Variants in VAV2 observed in about 807,000 individuals in gnomAD.
VAV2 encodes the protein guanine nucleotide exchange factor VAV2.
Under a neutral mutation model 132.5 loss-of-function variants are expected in VAV2, and 67 were observed. The ratio of observed to expected loss-of-function variants is 0.51; its 90% CI spans 0.42 to 0.62. The LOEUF is 0.62. Among genes scored for constraint, VAV2 ranks in the 20% least tolerant of loss-of-function variants. VAV2 has a pLI of 0.00. For synonymous variants in VAV2, 492 were observed against 443.5 expected (o/e 1.11, Z -1.37); for missense variants, 938 against 1,153.6 (o/e 0.81, Z 2.71).
In VAV2 at chr9:133,777,443, C is replaced by T; in HGVS notation, c.1911G>A (p.Arg637=). 6.2e-7 allele frequency: 1 copy of T among 1,613,726 alleles called. No homozygotes were observed. The change falls in exon 23 of 30, where the codon AGG becomes AGA. Residue 637 remains arginine, a synonymous_variant. Transcript: ENST00000371850. ...ATGAGCTGGGGAAATACCCTGACTTCCTGGTTTGTACCAGACGACCCTGGC... is the reference window on the plus strand; with the variant it reads ...ATGAGCTGGGGAAATACCCTGACTTTCTGGTTTGTACCAGACGACCCTGGC... ...PWWEGRLVQT[R]KSGYFPSSSV...
At position 133,785,799 on chromosome 9, in the gene VAV2, C is replaced by T. The variant is rs1834193909; in HGVS notation, c.1509G>A (p.Trp503Ter). 1 of 1,614,028 alleles carries T rather than the reference C, an allele frequency of 6.2e-7. No homozygotes were observed. Among genetic ancestry groups the T allele is most frequent in the Non-Finnish European group, 8.5e-7 (1 of 1,179,994 alleles). Reference protein sequence around the residue: ...FCKTEDMKRKWMEQFEMAMSN... With the variant: ...FCKTEDMKRK ...ACATGGCCATCTCAAACTGCTCCAT[C>T]CACTTCCTCTTCATATCTTCTGTTT... The change falls in exon 17 of 30, where the codon TGG (tryptophan) becomes TGA (stop). Residue 503 changes from tryptophan to a stop codon, truncating the protein, a stop_gained. Coordinates refer to ENST00000371850, the MANE Select transcript of VAV2 (RefSeq NM_001134398.2). LOFTEE classifies it high-confidence loss of function.
chr9:133,901,632 C>G (rs1032727546), intron 2 of VAV2, among the ~76,000 whole-genome samples: 3 of 152,260 alleles, frequency 2.0e-5, no homozygotes, highest in African/African-American at 7.2e-5. Flanking sequence ...CCAGCAAGGG[C>G]CCGGAGCTGC....
chr9:133,777,509 C>T, intron 22 of VAV2, 46 bp from the exon 23 acceptor site: 2 of 1,590,548 alleles, frequency 1.3e-6, no homozygotes, highest in Non-Finnish European at 1.7e-6. Context: ...CGAGCCTGGC[C>T]TATGGGAGTG....
chr9:133,807,146 C>T (rs1470233508), intron 8 of VAV2, 112 bp downstream of exon 8: 17 of 1,262,298 alleles, frequency 1.3e-5, no homozygotes, highest in African/African-American at 6.0e-5. Context: ...CGAGCCACCA[C>T]GGAGCCACAG....
At chr9:133,795,532 G>C in intron 12 of VAV2, 136 bp downstream of exon 12, 1 of 1,108,292 alleles carries the variant, frequency 9.0e-7, no homozygotes, top group Non-Finnish European at 1.3e-6. Flanking sequence ...GCCCTGCCCT[G>C]CCCTGCCCCA....
chr9:133,873,602 G>C (rs879933651), intron 2 of VAV2, among the ~76,000 whole-genome samples: 18 of 152,194 alleles, frequency 1.2e-4, no homozygotes, highest in Admixed American at 9.2e-4. Flanking sequence ...ACTGCCCACT[G>C]TTCCTAATGC....
rs1842249879 is a variant in VAV2, at chr9:133,969,289, A to G, written c.204+22786T>C. Among the ~76,000 whole-genome samples, 1 of 152,178 alleles carries G rather than the reference A, an allele frequency of 6.6e-6. No individual in the cohort carries two copies. The highest frequency in any genetic ancestry group is 2.4e-5 in the African/African-American group (1 of 41,430). ...GGCTGCGCTGCTGGCATGGTAGAGA[A>G]TACAACGAACAGGGAAGGAGGGAGG... On this transcript the variant is annotated intron_variant, in intron 1 of 29. Transcript: ENST00000371850. The surrounding 1 kb of genome is among the most constrained non-coding windows in gnomAD (Gnocchi z 5.1).
rs556066186 is a variant in VAV2 at position 133,976,033 on chromosome 9, T to TA, written c.204+16041dup. ...CAAGATGGTAAAACCCCATCTCTAC[T>TA]AAAAAAAAAAAGAAAATACAAAAAT... On this transcript the variant is annotated intron_variant, in intron 1 of 29. Transcript: ENST00000371850. Among the ~76,000 whole-genome samples the TA allele has an allele frequency of 3.9e-3, 539 of 136,984 alleles. 3 individuals carry two copies. Among genetic ancestry groups the TA allele is most frequent in the African/African-American group, 0.014 (493 of 34,806 alleles). 89.9% of individuals were successfully genotyped at this position (136,984 alleles called of 152,430 possible). A position where few individuals can be genotyped will look rare whatever the true frequency, so the allele number is the denominator to read the frequency against.
At chr9:133,952,606 G>GAA (rs56366481) in intron 1 of VAV2, among the ~76,000 whole-genome samples, 85 of 148,522 alleles carry the variant, frequency 5.7e-4, no homozygotes, top group Non-Finnish European at 8.9e-4. Flanking sequence ...CTGTCTCGGG[G>GAA]AAAAAAAAAA....
Position 133,992,323 on chromosome 9 carries a change from G to A in VAV2, c.-45C>T, listed in dbSNP as rs1253955850. The A allele has an allele frequency of 4.0e-6, 5 of 1,250,656 alleles. No homozygotes were observed. The highest frequency in any genetic ancestry group is 3.1e-5 in the African/African-American group (2 of 64,002). 77.5% of individuals were successfully genotyped at this position (1,250,656 alleles called of 1,614,324 possible). On this transcript the variant is annotated 5_prime_UTR_variant, in exon 1 of 30. Coordinates refer to ENST00000371850, the MANE Select transcript of VAV2 (RefSeq NM_001134398.2). The surrounding 1 kb of genome is among the most constrained non-coding windows in gnomAD (Gnocchi z 5.5). ...GGCTCAGGGCAGTGCTCGAGCCAAA[G>A]TGCAGCGGCCGCGGGGCATCCCGCC...
At chr9:133,956,231 T>A (rs1327636755) in intron 1 of VAV2, among the ~76,000 whole-genome samples, 1 of 152,066 alleles carries the variant, frequency 6.6e-6, no homozygotes, top group African/African-American at 2.4e-5. Flanking sequence ...AAAACAGGTC[T>A]GCAAGTCAGG....
intron 3 of VAV2, among the ~76,000 whole-genome samples, chr9:133,837,585 G>A (rs1836520396): frequency 6.6e-6 from 1 of 151,430 alleles, no homozygotes; most frequent in African/African-American, 2.4e-5. Context: ...TGTAATCCCA[G>A]CTACTCGGGA....
intron 3 of VAV2, among the ~76,000 whole-genome samples, chr9:133,851,108 T>C (rs1837150718): frequency 6.6e-6 from 1 of 152,250 alleles, no homozygotes; most frequent in Non-Finnish European, 1.5e-5. Context: ...CCTGGGGCTC[T>C]GCGGGCTTTA....
intron 2 of VAV2, among the ~76,000 whole-genome samples, chr9:133,894,741 G>C (rs904946265): frequency 6.6e-6 from 1 of 152,144 alleles, no homozygotes; most frequent in Non-Finnish European, 1.5e-5. Context: ...ACCCCAAGAG[G>C]CTCCAGATCC....
intron 1 of VAV2, among the ~76,000 whole-genome samples, chr9:133,957,713 T>C (rs1000858258): frequency 8.5e-5 from 13 of 152,100 alleles, no homozygotes; most frequent in African/African-American, 2.9e-4. Flanking sequence ...CCTGGGCCAC[T>C]CCAAGTGACT....
chr9:133,769,587 C>T lies in VAV2; in HGVS notation c.2348-84G>A. 7.1e-7 allele frequency: 1 copy of T among 1,404,274 alleles called. No individual in the cohort carries two copies. Among genetic ancestry groups the T allele is most frequent in the Middle Eastern group, 1.8e-4 (1 of 5,460 alleles). The allele number at this position is 1,404,274 out of a possible 1,614,324, so 87.0% of individuals were successfully genotyped here. A position where few individuals can be genotyped will look rare whatever the true frequency, so the allele number is the denominator to read the frequency against. ...GTGGGCACAGCTACAGGCCGGGGGG[C>T]ATGGGGTGGGGCAGGCCCTTTGGCA... On this transcript the variant is annotated intron_variant, in intron 27 of 29. Coordinates refer to ENST00000371850, the MANE Select transcript of VAV2 (RefSeq NM_001134398.2). This position sits in a 1 kb window ranked among gnomAD's most constrained non-coding sequence, Gnocchi z 8.1.
intron 4 of VAV2, among the ~76,000 whole-genome samples, chr9:133,817,815 C>T (rs564144101): frequency 3.9e-5 from 6 of 152,170 alleles, no homozygotes; most frequent in South Asian, 2.1e-4. Context: ...GCTCTTCATC[C>T]GCTCATTCAT....
chr9:133,922,864 C>T (rs1223961165), intron 2 of VAV2, among the ~76,000 whole-genome samples: 1 of 152,192 alleles, frequency 6.6e-6, no homozygotes, highest in Non-Finnish European at 1.5e-5. Context: ...CTACATCAGA[C>T]TCTAAAACTT....
In VAV2 at chr9:133,991,938, GCCCGCCCGCGTCCCGGAGCCCGGCCGCC is replaced by G; in HGVS notation, c.204+109_204+136del. 1.5e-6 allele frequency: 1 copy of G among 670,986 alleles called. No homozygotes were observed. The highest frequency in any genetic ancestry group is 1.9e-6 in the Non-Finnish European group (1 of 523,960). The allele number at this position is 670,986 out of a possible 1,614,324, so 41.6% of individuals were successfully genotyped here. On this transcript the variant is annotated intron_variant, in intron 1 of 29. Coordinates refer to ENST00000371850, the MANE Select transcript of VAV2 (RefSeq NM_001134398.2). The surrounding 1 kb of genome is among the most constrained non-coding windows in gnomAD (Gnocchi z 4.8). ...GAGGCCCGGGGCGCACCCTCCAGCCGCCCGCCCGCGTCCCGGAGCCCGGCCGCCCCAGCCAGGGCGCCTGGGCCGCCGC... is the reference window on the plus strand; with the variant it reads ...GAGGCCCGGGGCGCACCCTCCAGCCGCCAGCCAGGGCGCCTGGGCCGCCGC...
Sources: allele counts gnomAD v4.1 joint callset (sites outside exome capture counted in the v4.1 genomes callset), GRCh38; gene constraint gnomAD v4.1.1; non-coding constraint Gnocchi (gnomAD v3.1); transcripts MANE v1.5; gene names NCBI Gene and HGNC (gene_info 2026-07-23, HGNC 2026-07-21).